The following MYH1 variants were observed in gnomAD, a reference collection of about 807,000 sequenced individuals.
MYH1 encodes the protein myosin-1.
A neutral mutation model predicts 225.6 loss-of-function variants in MYH1; 214 were observed. The observed-to-expected ratio is 0.95, with a 90% confidence interval of 0.85 to 1.06. The LOEUF (loss-of-function observed/expected upper bound fraction) is 1.06, where lower values mean the gene tolerates loss of function less well. MYH1 is among the 50% of genes least tolerant of loss of function. The pLI is 0.00. For missense variants in MYH1, 2,098 were observed against 2,344.2 expected, an observed-to-expected ratio of 0.89 and a Z score of 2.17; for synonymous variants, 774 against 842.3, an observed-to-expected ratio of 0.92 and a Z score of 1.40.
At position 10,498,995 on chromosome 17, in the gene MYH1, C is replaced by A. The variant is rs147039410; in HGVS notation, c.3963G>T (p.Arg1321Ser). The change falls in exon 29 of 40, where the codon AGG becomes AGT. Residue 1321 changes from arginine (R) to serine (S), a missense_variant. Arg to Ser is a moderately radical substitution (Grantham distance 110, BLOSUM62 -1). Transcript: ENST00000226207. ...AFTQQIEELKRQLEEEIKAKS... is the reference protein window; with the variant it reads ...AFTQQIEELKSQLEEEIKAKS... ...TTACCTTTATCTCCTCTTCAAGTTG[C>A]CTTTTCAGTTCCTCAATCTGTTGTG... 2.9e-4 allele frequency: 463 copies of A among 1,613,334 alleles called. 1 individual carries two copies. The highest frequency in any genetic ancestry group is 3.7e-4 in the Non-Finnish European group (432 of 1,179,420).
At position 10,500,780 on chromosome 17, in the gene MYH1, C is replaced by G. The variant is rs776594337; in HGVS notation, c.3739-28G>C. 2.5e-6 allele frequency: 4 copies of G among 1,613,850 alleles called. No individual in the cohort carries two copies. In the African/African-American group the frequency reaches 4.0e-5, roughly 16 times the overall value. On this transcript the variant is annotated intron_variant, in intron 27 of 39. Coordinates refer to ENST00000226207, the MANE Select transcript of MYH1 (RefSeq NM_005963.4). ...GCATTCAAAAAGTGGTAGAAGGCAT[C>G]TCAAGTAAGTAGTTGGACCAAAGAA...
intron 16 of MYH1, 59 bp from the exon 17 acceptor site, chr17:10,508,015 T>TG (rs1392713803): frequency 6.7e-6 from 9 of 1,342,894 alleles, no homozygotes; most frequent in Non-Finnish European, 9.2e-6. Flanking sequence ...GTTTTTTTTT[T>TG]TTGTTTTTTT....
Position 10,494,931 on chromosome 17 carries a change from C to G in MYH1, c.5466G>C (p.Arg1822Ser), listed in dbSNP as rs1246831492. The G allele has an allele frequency of 3.1e-6, 5 of 1,613,926 alleles. No homozygotes were observed. Among genetic ancestry groups the G allele is most frequent in the Non-Finnish European group, 4.2e-6 (5 of 1,180,004 alleles). The change falls in exon 37 of 40, where the codon AGG (arginine) becomes AGC (serine). Residue 1822 changes from arginine to serine, a missense_variant and splice_region_variant. Coordinates refer to ENST00000226207, the MANE Select transcript of MYH1 (RefSeq NM_005963.4). Reference sequence around the variant, plus strand: ...AATACATGCTGATTAGGAGACCCACCCTGGCCTCCAGTTTCTGGATCTGCT... The same window carrying G: ...AATACATGCTGATTAGGAGACCCACGCTGGCCTCCAGTTTCTGGATCTGCT... The part of the protein sequence containing the change: ...GKKQIQKLEA[R>S]VRELEGEVES...
intron 29 of MYH1, 49 bp downstream of exon 29, chr17:10,498,925 A>T (rs1567716333): frequency 1.9e-6 from 3 of 1,602,360 alleles, no homozygotes; most frequent in Non-Finnish European, 1.7e-6. Context: ...AAGTAAGCGA[A>T]AAACAAATAA....
In MYH1 at chr17:10,505,245, G is replaced by A. The variant is rs960631123; in HGVS notation, c.2353C>T (p.Leu785=). Reference sequence around the variant, plus strand: ...TGGGTTCGGGTAATCAGCTGGGCCAGCTTCTCATCTCGCATCTCCTCTAGG... The same window carrying A: ...TGGGTTCGGGTAATCAGCTGGGCCAACTTCTCATCTCGCATCTCCTCTAGG... The part of the protein sequence containing the change: ...GLLEEMRDEK[L]AQLITRTQAM... The change falls in exon 21 of 40, where the codon CTG becomes TTG. Residue 785 remains leucine, a synonymous_variant. Transcript: ENST00000226207. 7.4e-6 allele frequency: 12 copies of A among 1,614,200 alleles called. No individual in the cohort carries two copies. Among genetic ancestry groups the A allele is most frequent in the Non-Finnish European group, 1.0e-5 (12 of 1,180,046 alleles).
At chr17:10,508,973 G>A (rs2073145615) in intron 15 of MYH1, among the ~76,000 whole-genome samples, 1 of 152,158 alleles carries the variant, frequency 6.6e-6, no homozygotes, top group African/African-American at 2.4e-5. Flanking sequence ...AGTGTGACTT[G>A]CGAATTAGCT....
At position 10,505,899 on chromosome 17, in the gene MYH1, T is replaced by C; in HGVS notation, c.2087A>G (p.Gln696Arg). The stretch of plus-strand genomic sequence containing the variant: ...TTCCAGCACACCGTTACACCTCAGC[T>C]GATGCAGGACAAGCTCATGCTCCAT... ...GAMEHELVLH[Q>R]LRCNGVLEGI... The change falls in exon 19 of 40, where the codon CAG becomes CGG. Residue 696 changes from glutamine to arginine, a missense_variant. Gln to Arg is a conservative substitution (Grantham distance 43, BLOSUM62 1). Transcript: ENST00000226207. 6.2e-7 allele frequency: 1 copy of C among 1,614,180 alleles called. No individual in the cohort carries two copies. The highest frequency in any genetic ancestry group is 8.5e-7 in the Non-Finnish European group (1 of 1,180,018).
chr17:10,518,048 C>G (rs1021052209), intron 2 of MYH1, among the ~76,000 whole-genome samples, 192 bp downstream of exon 2: 1 of 151,944 alleles, frequency 6.6e-6, no homozygotes. Flanking sequence ...TCATATATTG[C>G]GAGGGATATG....
chr17:10,497,110 G>T lies in MYH1; in HGVS notation c.4615C>A (p.Gln1539Lys), dbSNP rs2073004007. 1.8e-5 allele frequency: 29 copies of T among 1,613,972 alleles called. No homozygotes were observed. The highest frequency in any genetic ancestry group is 2.5e-5 in the Non-Finnish European group (29 of 1,179,988). ...GCAGCCTGAAGTTCAGACTTTTCTT[G>T]CTCAACTTGCTTCTTTATTTTTTCC... is the stretch of plus-strand genomic sequence containing the variant. Reference protein sequence around the residue: ...ELEKIKKQVEQEKSELQAALE... With the variant: ...ELEKIKKQVEKEKSELQAALE... The change falls in exon 33 of 40, where the codon CAA becomes AAA. Residue 1539 changes from glutamine to lysine, a missense_variant. Gln to Lys is a moderately conservative substitution (Grantham distance 53, BLOSUM62 1). Coordinates refer to ENST00000226207, the MANE Select transcript of MYH1 (RefSeq NM_005963.4).
At position 10,501,216 on chromosome 17, in the gene MYH1, A is replaced by G; in HGVS notation, c.3632T>C (p.Ile1211Thr). 2 of 1,614,102 alleles carry G rather than the reference A, an allele frequency of 1.2e-6. No homozygotes were observed. The highest frequency in any genetic ancestry group is 2.2e-5 in the East Asian group (1 of 44,876). Residue 1211 changes from isoleucine (I) to threonine (T), a missense_variant, in exon 27 of 40, where the codon ATT (isoleucine) becomes ACT (threonine). Physicochemically the swap from Ile to Thr is moderately conservative, Grantham distance 89 (BLOSUM62 -1). Transcript: ENST00000226207. Reference protein sequence around the residue: ...ADSVAELGEQIDNLQRVKQKL... With the variant: ...ADSVAELGEQTDNLQRVKQKL... ...CTGCTTCACTCGCTGCAGGTTGTCA[A>G]TCTGCTCCCCAAGCTCGGCCACACT...
Position 10,497,140 on chromosome 17 carries a change from C to A in MYH1, c.4585G>T (p.Glu1529Ter). The A allele has an allele frequency of 6.2e-7, 1 of 1,614,086 alleles. No homozygotes were observed. The highest frequency in any genetic ancestry group is 1.1e-5 in the South Asian group (1 of 91,066). Residue 1529 changes from glutamate to a stop codon, truncating the protein, a stop_gained, in exon 33 of 40, where the codon GAA becomes TAA. Coordinates refer to ENST00000226207, the MANE Select transcript of MYH1 (RefSeq NM_005963.4). LOFTEE classifies it high-confidence loss of function. ...ACTTGCTTCTTTATTTTTTCCAGTT[C>A]ATGGATGCGCTTTCCTCCTTCTGCA... ...QIAEGGKRIHELEKIKKQVEQ... is the reference protein window; with the variant it reads ...QIAEGGKRIH
intron 24 of MYH1, 93 bp from the exon 25 acceptor site, chr17:10,502,004 T>A: frequency 7.9e-7 from 1 of 1,263,824 alleles, no homozygotes; most frequent in Non-Finnish European, 1.1e-6. Flanking sequence ...TGCAGCAAAC[T>A]ATTTTTCTAT....
At position 10,503,006 on chromosome 17, in the gene MYH1, C is replaced by T. The variant is rs1274787748; in HGVS notation, c.2934G>A (p.Lys978=). 5.0e-6 allele frequency: 8 copies of T among 1,613,880 alleles called. No homozygotes were observed. In the South Asian group the frequency reaches 6.6e-5, roughly 13 times the overall value. ...VEKEKHATEN[K]VKNLTEEMAG... ...CAGTACTGTAGAATATGATTGATAC[C>T]TTGTTTTCTGTGGCATGTTTCTCCT... Residue 978 remains lysine (K), a splice_region_variant and synonymous_variant, in exon 23 of 40, where the codon AAG becomes AAA. Coordinates refer to ENST00000226207, the MANE Select transcript of MYH1 (RefSeq NM_005963.4).
chr17:10,509,786 TG>T, intron 14 of MYH1, 131 bp from the exon 15 acceptor site: 1 of 1,495,094 alleles, frequency 6.7e-7, no homozygotes, highest in Non-Finnish European at 9.1e-7. Flanking sequence ...ACCTACACAA[TG>T]AAGTTTTTGC....
intron 5 of MYH1, 112 bp downstream of exon 5, chr17:10,515,814 G>C: frequency 6.4e-7 from 1 of 1,560,246 alleles, no homozygotes. Flanking sequence ...CACCTCTGCT[G>C]AACAACCAGG....
Position 10,512,662 on chromosome 17 carries a change from A to T in MYH1, c.1008+19T>A. 6.2e-7 allele frequency: 1 copy of T among 1,612,984 alleles called. No homozygotes were observed. Among genetic ancestry groups the T allele is most frequent in the Non-Finnish European group, 8.5e-7 (1 of 1,178,956 alleles). ...CCCATGCATAATGGATTTTAAATTA[A>T]AATTCATGTATAACTTACATCTGTA... On this transcript the variant is annotated intron_variant, in intron 11 of 39. Coordinates refer to ENST00000226207, the MANE Select transcript of MYH1 (RefSeq NM_005963.4).
Position 10,500,756 on chromosome 17 carries a change from C to A in MYH1, c.3739-4G>T, listed in dbSNP as rs778878249. ...GGCACATCTTTTCAAGGTTTCCCTG[C>A]ATTCAAAAAGTGGTAGAAGGCATCT... On this transcript the variant is annotated splice_region_variant and splice_polypyrimidine_tract_variant and intron_variant, in intron 27 of 39. Transcript: ENST00000226207. 3.1e-6 allele frequency: 5 copies of A among 1,614,014 alleles called. No homozygotes were observed. In the Admixed American group the frequency reaches 8.3e-5, roughly 27 times the overall value.
At chr17:10,506,648 AC>A (rs1325124381) in intron 17 of MYH1, among the ~76,000 whole-genome samples, 1 of 151,390 alleles carries the variant, frequency 6.6e-6, no homozygotes, top group African/African-American at 2.4e-5. Context: ...ACATGCCACC[AC>A]CCCCAGCTAA....
Position 10,514,140 on chromosome 17 carries a change from CG to C in MYH1, c.534-17del. ...AGATTCTCCGCTGTCAAAGACCAAACGTATGAGAAATTAAGCACTGTGACAA... is the reference window on the plus strand; with the variant it reads ...AGATTCTCCGCTGTCAAAGACCAAACTATGAGAAATTAAGCACTGTGACAA... On this transcript the variant is annotated splice_polypyrimidine_tract_variant and intron_variant, in intron 6 of 39. Coordinates refer to ENST00000226207, the MANE Select transcript of MYH1 (RefSeq NM_005963.4). 1 of 1,613,262 alleles carries C rather than the reference CG, an allele frequency of 6.2e-7. No individual in the cohort carries two copies. The highest frequency in any genetic ancestry group is 8.5e-7 in the Non-Finnish European group (1 of 1,179,208).
Sources: allele counts gnomAD v4.1 joint callset (sites outside exome capture counted in the v4.1 genomes callset), GRCh38; gene constraint gnomAD v4.1.1; transcripts MANE v1.5; gene names NCBI Gene and HGNC (gene_info 2026-07-23, HGNC 2026-07-21).